The following WNT7A variants were observed in gnomAD, a reference collection of about 807,000 sequenced individuals.
WNT7A encodes the protein protein Wnt-7a.
A neutral mutation model predicts 28.2 loss-of-function variants in WNT7A; 16 were observed. The observed-to-expected ratio is 0.57, with a 90% confidence interval of 0.38 to 0.86. The LOEUF (loss-of-function observed/expected upper bound fraction) is 0.86, where lower values mean the gene tolerates loss of function less well. WNT7A is among the 40% of genes least tolerant of loss of function. The pLI, the probability that WNT7A is intolerant of heterozygous loss-of-function variation, is 0.00. For missense variants in WNT7A, 411 were observed against 489.7 expected, an observed-to-expected ratio of 0.84 and a Z score of 1.52; for synonymous variants, 190 against 195.9, an observed-to-expected ratio of 0.97 and a Z score of 0.25.
intron 2 of WNT7A, among the ~76,000 whole-genome samples, chr3:13,869,280 C>T (rs1416151806): frequency 4.5e-5 from 4 of 89,196 alleles, no homozygotes; most frequent in South Asian, 4.5e-4. Flanking sequence ...AAAGAAAGGA[C>T]GAGAGAAAGA....
intron 3 of WNT7A, among the ~76,000 whole-genome samples, chr3:13,828,555 T>C (rs934453): frequency 0.16 from 25,091 of 152,164 alleles, 2,673 homozygotes; most frequent in South Asian, 0.31. Context: ...GTAAAACAGA[T>C]AGCCAGCCCC....
At chr3:13,869,090 G>A (rs570243553) in intron 2 of WNT7A, among the ~76,000 whole-genome samples, 1 of 146,374 alleles carries the variant, frequency 6.8e-6, no homozygotes, top group African/African-American at 2.6e-5. Flanking sequence ...GAAAGAGGGA[G>A]AGAGAAAGAG....
chr3:13,841,066 A>G (rs1694449168), intron 3 of WNT7A, among the ~76,000 whole-genome samples: 2 of 152,226 alleles, frequency 1.3e-5, no homozygotes, highest in Admixed American at 1.3e-4. Context: ...CCTAAAACAG[A>G]GCTGGCATAT....
At chr3:13,845,937 G>A (rs1694530813) in intron 3 of WNT7A, among the ~76,000 whole-genome samples, 1 of 152,198 alleles carries the variant, frequency 6.6e-6, no homozygotes, top group African/African-American at 2.4e-5. Context: ...TAAAACAGGA[G>A]GTGCCCTGGT....
intron 2 of WNT7A, among the ~76,000 whole-genome samples, chr3:13,866,019 G>A (rs1694905049): frequency 6.6e-6 from 1 of 152,232 alleles, no homozygotes; most frequent in African/African-American, 2.4e-5. Context: ...CCTCCTGGAG[G>A]AGGTGGCCTT....
At chr3:13,851,094 G>C (rs1184308369) in intron 3 of WNT7A, among the ~76,000 whole-genome samples, 2 of 151,996 alleles carry the variant, frequency 1.3e-5, no homozygotes, top group African/African-American at 4.8e-5. Flanking sequence ...TACCTATTAG[G>C]CTTCCTAAAC....
chr3:13,854,379 G>A (rs1386935334), intron 3 of WNT7A, among the ~76,000 whole-genome samples, 153 bp downstream of exon 3: 1 of 152,050 alleles, frequency 6.6e-6, no homozygotes, highest in Non-Finnish European at 1.5e-5. Flanking sequence ...CACAAATCCT[G>A]ACCAGCTACA....
intron 3 of WNT7A, among the ~76,000 whole-genome samples, chr3:13,841,701 G>A (rs192638379): frequency 6.6e-6 from 1 of 152,326 alleles, no homozygotes; most frequent in Non-Finnish European, 1.5e-5. Flanking sequence ...GTCTGGGCCT[G>A]TGCCGTTCCC....
chr3:13,866,833 G>C (rs1003426195), intron 2 of WNT7A, among the ~76,000 whole-genome samples: 5 of 152,184 alleles, frequency 3.3e-5, no homozygotes, highest in African/African-American at 4.8e-5. Context: ...GGATGGCTGC[G>C]TGGGTTGCAG....
At chr3:13,860,536 C>T (rs756728446) in intron 2 of WNT7A, among the ~76,000 whole-genome samples, 16 of 152,178 alleles carry the variant, frequency 1.1e-4, no homozygotes, top group Non-Finnish European at 1.9e-4. Context: ...AGAAAAGCCT[C>T]CTGGAATCTT....
At position 13,868,739 on chromosome 3, in the gene WNT7A, GAGAA is replaced by G. The variant is rs1261466276; in HGVS notation, c.298+6204_298+6207del. ...AAGAAAGAAAGAAAGAAAGAAAGAA[GAGAA>G]AGAAAGAAAGGAGGGAAGGGAAGGG... is the stretch of plus-strand genomic sequence containing the variant. On this transcript the variant is annotated intron_variant, in intron 2 of 3. Transcript: ENST00000285018. Among the ~76,000 whole-genome samples the G allele has an allele frequency of 4.6e-5, 4 of 87,792 alleles. No homozygotes were observed. The Admixed American group carries it at 5.4e-4, about 12-fold the overall frequency. 57.6% of individuals were successfully genotyped at this position (87,792 alleles called of 152,430 possible).
At chr3:13,868,018 C>T (rs1041795456) in intron 2 of WNT7A, among the ~76,000 whole-genome samples, 2 of 152,074 alleles carry the variant, frequency 1.3e-5, no homozygotes, top group African/African-American at 2.4e-5. Context: ...AAGTCATTTA[C>T]TTTTGGGGAA....
intron 2 of WNT7A, among the ~76,000 whole-genome samples, chr3:13,860,702 C>T (rs1318426985): frequency 2.0e-5 from 3 of 152,090 alleles, no homozygotes; most frequent in African/African-American, 7.2e-5. Flanking sequence ...CAGAGAACTC[C>T]CTTGGACCCT....
intron 2 of WNT7A, among the ~76,000 whole-genome samples, chr3:13,863,048 TGTAAA>T (rs1431101177): frequency 1.3e-5 from 2 of 152,200 alleles, no homozygotes; most frequent in Admixed American, 6.5e-5. Context: ...TTTCCTCATT[TGTAAA>T]GTGGGAATAC....
intron 2 of WNT7A, among the ~76,000 whole-genome samples, chr3:13,874,138 A>C (rs139240316): frequency 1.3e-3 from 192 of 152,260 alleles, no homozygotes; most frequent in Non-Finnish European, 2.3e-3. Flanking sequence ...AGGATACCCA[A>C]AGATATCCAA....
rs1304610181 is a variant in WNT7A at position 13,819,322 on chromosome 3, C to G, written c.672G>C (p.Leu224=). ...TGTACTTGTCCTTGAGCACGTAGCCCAGCTCCCGAAACTGTGGCAGTGTGG... is the reference window on the plus strand; with the variant it reads ...TGTACTTGTCCTTGAGCACGTAGCCGAGCTCCCGAAACTGTGGCAGTGTGG... The part of the protein sequence containing the change: ...CWTTLPQFRE[L]GYVLKDKYNE... The change falls in exon 4 of 4, where the codon CTG becomes CTC. Residue 224 remains leucine (L), a synonymous_variant. Transcript: ENST00000285018. 3.1e-6 allele frequency: 5 copies of G among 1,613,324 alleles called. No homozygotes were observed. The highest frequency in any genetic ancestry group is 4.2e-6 in the Non-Finnish European group (5 of 1,179,402).
intron 3 of WNT7A, among the ~76,000 whole-genome samples, chr3:13,843,895 C>T (rs924016079): frequency 6.6e-6 from 1 of 151,914 alleles, no homozygotes; most frequent in East Asian, 1.9e-4. Context: ...TACAGGTGCC[C>T]GCCACCTTGT....
At position 13,836,742 on chromosome 3, in the gene WNT7A, C is replaced by T. The variant is rs547947399; in HGVS notation, c.571-17319G>A. ...GGCCTGTATGTACTGCCATGGGGCC[C>T]ATGAGCAGTTGGAGGAAGTGACCTG... On this transcript the variant is annotated intron_variant, in intron 3 of 3. Transcript: ENST00000285018. 1.8e-4 allele frequency among the ~76,000 whole-genome samples: 27 copies of T among 152,348 alleles called. 1 individual carries two copies. In the South Asian group the frequency reaches 5.6e-3, roughly 32 times the overall value.
chr3:13,867,228 CACTT>C (rs1219816302), intron 2 of WNT7A, among the ~76,000 whole-genome samples: 1 of 152,122 alleles, frequency 6.6e-6, no homozygotes, highest in Non-Finnish European at 1.5e-5. Context: ...GTGAAGTACT[CACTT>C]AAAGTCATCT....
Sources: allele counts gnomAD v4.1 joint callset (sites outside exome capture counted in the v4.1 genomes callset), GRCh38; gene constraint gnomAD v4.1.1; transcripts MANE v1.5; gene names NCBI Gene and HGNC (gene_info 2026-07-23, HGNC 2026-07-21).